The following PXDC1 variants were observed in gnomAD, a reference collection of about 807,000 sequenced individuals.
PXDC1 encodes the protein PX domain containing 1.
PXDC1 carries 13 observed loss-of-function variants against 24.4 expected under a neutral mutation model. That is an observed-to-expected ratio of 0.53 (90% CI 0.35 to 0.85). The LOEUF is 0.85. Ranked by LOEUF, PXDC1 falls within the 40% of genes least tolerant of loss-of-function variation. PXDC1 has a pLI of 0.01. For missense variants in PXDC1, 344 were observed against 309.3 expected, an observed-to-expected ratio of 1.11 and a Z score of -0.84; for synonymous variants, 162 against 124.9, an observed-to-expected ratio of 1.30 and a Z score of -1.98.
Position 3,751,412 on chromosome 6 carries a change from C to T in PXDC1, c.120G>A (p.Glu40=), listed in dbSNP as rs1760715868. 1.3e-6 allele frequency: 2 copies of T among 1,580,494 alleles called. No individual in the cohort carries two copies. Among genetic ancestry groups the T allele is most frequent in the Admixed American group, 1.8e-5 (1 of 55,826 alleles). ...SRRGDEEEFF[E]IRTEWSDRSV... ...TGCGGTCCGACCACTCCGTGCGGAT[C>T]TCGAAGAACTCCTCTTCGTCGCCGC... Residue 40 remains glutamate (E), a synonymous_variant, in exon 1 of 5, where the codon GAG becomes GAA. Transcript: ENST00000380283.
chr6:3,741,798 G>T (rs1271487356), intron 1 of PXDC1, among the ~76,000 whole-genome samples: 1 of 152,208 alleles, frequency 6.6e-6, no homozygotes, highest in Non-Finnish European at 1.5e-5. Context: ...AGAGACTACA[G>T]ACAGCCTGGC....
intron 3 of PXDC1, among the ~76,000 whole-genome samples, chr6:3,733,833 G>A (rs2127599282): frequency 6.6e-6 from 1 of 152,226 alleles, no homozygotes; most frequent in Middle Eastern, 3.4e-3. Context: ...GCCCCCACCT[G>A]ACCCCTTCCC....
rs567076989 is a variant in PXDC1 at position 3,723,551 on chromosome 6, G to A, written c.*68C>T. On this transcript the variant is annotated 3_prime_UTR_variant, in exon 5 of 5. Coordinates refer to ENST00000380283, the MANE Select transcript of PXDC1 (RefSeq NM_183373.4). ...TGGGGCAGCAGCTGTGACCATGGGG[G>A]CCAGCACAGTGGACAGCATCAGAGC... The A allele has an allele frequency of 1.3e-5, 16 of 1,225,356 alleles. 1 individual carries two copies. In the South Asian group the frequency reaches 1.8e-4, roughly 14 times the overall value. The allele number at this position is 1,225,356 out of a possible 1,614,324, so 75.9% of individuals were successfully genotyped here. A position where few individuals can be genotyped will look rare whatever the true frequency, so the allele number is the denominator to read the frequency against.
At position 3,737,116 on chromosome 6, in the gene PXDC1, T is replaced by C. The variant is rs540838399; in HGVS notation, c.429A>G (p.Lys143=). The change falls in exon 3 of 5, where the codon AAA becomes AAG. Residue 143 remains lysine (K), a synonymous_variant. Coordinates refer to ENST00000380283, the MANE Select transcript of PXDC1 (RefSeq NM_183373.4). The surrounding 1 kb of genome is among the most constrained non-coding windows in gnomAD (Gnocchi z 5.5). ...DQVLKNDNVH[K]IQPSFQSPVK... The stretch of plus-strand genomic sequence containing the variant: ...CTGGACTTTGAAAGCTGGGTTGAAT[T>C]TTATGCACATTATCATTTTTTAACA... 5 of 1,613,634 alleles carry C rather than the reference T, an allele frequency of 3.1e-6. No homozygotes were observed. The African/African-American group carries it at 6.7e-5, about 22-fold the overall frequency.
chr6:3,738,735 C>G, intron 1 of PXDC1: 1 of 1,267,328 alleles, frequency 7.9e-7, no homozygotes, highest in Non-Finnish European at 1.0e-6. Flanking sequence ...CTCTGTGCTT[C>G]TCACGGTCAC....
At chr6:3,732,447 C>T (rs1760221113) in intron 3 of PXDC1, among the ~76,000 whole-genome samples, 1 of 152,212 alleles carries the variant, frequency 6.6e-6, no homozygotes, top group South Asian at 2.1e-4. Context: ...CATTTCCAGG[C>T]CTCTTAAACC....
At position 3,723,673 on chromosome 6, in the gene PXDC1, G is replaced by A. The variant is rs1434841256; in HGVS notation, c.642C>T (p.Val214=). Residue 214 remains valine (V), a synonymous_variant, in exon 5 of 5, where the codon GTC becomes GTT. Coordinates refer to ENST00000380283, the MANE Select transcript of PXDC1 (RefSeq NM_183373.4). ...CCAGGTGGTAATATGACAGGTTGGT[G>A]ACGTAGGCTGCTGGGTCGTCCCCGT... The part of the protein sequence containing the change: ...LEDGDDPAAY[V]TNLSYYHLVP... The A allele has an allele frequency of 2.5e-6, 4 of 1,614,104 alleles. No individual in the cohort carries two copies. Among genetic ancestry groups the A allele is most frequent in the African/African-American group, 2.7e-5 (2 of 74,938 alleles).
chr6:3,722,878 C>G lies in PXDC1; in HGVS notation c.*741G>C, dbSNP rs1019251462. ...GTGGTGTGGCCGCAGCACCAGGACC[C>G]GCGCTGAAGGCCCAGAGACCTGGCA... On this transcript the variant is annotated 3_prime_UTR_variant, in exon 5 of 5. Coordinates refer to ENST00000380283, the MANE Select transcript of PXDC1 (RefSeq NM_183373.4). 1 of 150,688 alleles carries G rather than the reference C, an allele frequency of 6.6e-6. No homozygotes were observed. Among genetic ancestry groups the G allele is most frequent in the Non-Finnish European group, 1.5e-5 (1 of 67,506 alleles). 9.3% of individuals were successfully genotyped at this position (150,688 alleles called of 1,614,324 possible).
In PXDC1 at chr6:3,728,367, A is replaced by G. The variant is rs1336457248; in HGVS notation, c.467-705T>C. Among the ~76,000 whole-genome samples the G allele has an allele frequency of 1.3e-5, 2 of 152,148 alleles. No individual in the cohort carries two copies. Among genetic ancestry groups the G allele is most frequent in the African/African-American group, 2.4e-5 (1 of 41,416 alleles). Reference sequence around the variant, plus strand: ...TCCCACTTCTAAGTGAGAATATACAATATTGGTTGCCCATTCCTGAGTTAC... The same window carrying G: ...TCCCACTTCTAAGTGAGAATATACAGTATTGGTTGCCCATTCCTGAGTTAC... On this transcript the variant is annotated intron_variant, in intron 3 of 4. Transcript: ENST00000380283. The surrounding 1 kb of genome is among the most constrained non-coding windows in gnomAD (Gnocchi z 4.0).
At chr6:3,747,861 T>A (rs1281509360) in intron 1 of PXDC1, among the ~76,000 whole-genome samples, 2 of 151,190 alleles carry the variant, frequency 1.3e-5, no homozygotes, top group African/African-American at 2.4e-5. Context: ...TGTGCCACCA[T>A]CACCTACACA....
intron 3 of PXDC1, among the ~76,000 whole-genome samples, chr6:3,729,668 C>T (rs538851360): frequency 5.3e-5 from 8 of 152,322 alleles, no homozygotes; most frequent in East Asian, 3.9e-4. Context: ...AAGATTCCCT[C>T]GCCTCTCTAT....
intron 1 of PXDC1, chr6:3,739,199 G>A (rs953628717): frequency 5.7e-6 from 6 of 1,046,784 alleles, no homozygotes; most frequent in Admixed American, 4.2e-5. Flanking sequence ...TAAACTTCCT[G>A]ACTGAAATTA....
intron 1 of PXDC1, among the ~76,000 whole-genome samples, chr6:3,741,785 G>C (rs562580718): frequency 2.0e-5 from 3 of 152,332 alleles, no homozygotes; most frequent in African/African-American, 7.2e-5. Context: ...AGTGACACTG[G>C]CAAGAGACTA....
In PXDC1 at chr6:3,724,988, C is replaced by T. The variant is rs1469211099; in HGVS notation, c.579-1252G>A. 1.3e-5 allele frequency among the ~76,000 whole-genome samples: 2 copies of T among 152,122 alleles called. No individual in the cohort carries two copies. Among genetic ancestry groups the T allele is most frequent in the Non-Finnish European group, 2.9e-5 (2 of 68,026 alleles). The stretch of plus-strand genomic sequence containing the variant: ...CCCCGCCTCGGCTTCCCTATGCTCA[C>T]GGTCCTGGCAACACGAGGCTGGGAC... On this transcript the variant is annotated intron_variant, in intron 4 of 4. Transcript: ENST00000380283. The surrounding 1 kb of genome is among the most constrained non-coding windows in gnomAD (Gnocchi z 4.5).
At position 3,727,554 on chromosome 6, in the gene PXDC1, T is replaced by C. The variant is rs764844598; in HGVS notation, c.575A>G (p.His192Arg). The change falls in exon 4 of 5, where the codon CAT becomes CGT. Residue 192 changes from histidine to arginine, a missense_variant. Physicochemically the swap from His to Arg is conservative, Grantham distance 29 (BLOSUM62 0). Transcript: ENST00000380283. ...ATATTCAAATCAGCATACTTACAAA[T>C]GCTCTGTTGGGTCCACGCCCAGCTG... ...DQQLGVDPTE[H>R]LFENGSEFPS... 2.2e-5 allele frequency: 35 copies of C among 1,592,220 alleles called. No homozygotes were observed. Among genetic ancestry groups the C allele is most frequent in the South Asian group, 3.3e-5 (3 of 90,522 alleles).
In PXDC1 at chr6:3,751,476, C is replaced by G; in HGVS notation, c.56G>C (p.Cys19Ser). 1 of 1,604,286 alleles carries G rather than the reference C, an allele frequency of 6.2e-7. No homozygotes were observed. The highest frequency in any genetic ancestry group is 8.5e-7 in the Non-Finnish European group (1 of 1,176,794). Residue 19 changes from cysteine (C) to serine (S), a missense_variant, in exon 1 of 5, where the codon TGC (cysteine) becomes TCC (serine). Cys to Ser is a moderately radical substitution (Grantham distance 112). Coordinates refer to ENST00000380283, the MANE Select transcript of PXDC1 (RefSeq NM_183373.4). ...TSLVNMFVRGCWVNGIRRLIV... is the reference protein window; with the variant it reads ...TSLVNMFVRGSWVNGIRRLIV... ...GAGCCTGCGGATGCCGTTCACCCAG[C>G]AGCCGCGCACGAACATGTTCACGAG...
At position 3,743,804 on chromosome 6, in the gene PXDC1, T is replaced by G. The variant is rs114727858; in HGVS notation, c.257-5656A>C. 8.6e-3 allele frequency among the ~76,000 whole-genome samples: 1,305 copies of G among 152,128 alleles called. 24 individuals are homozygous for G. Among genetic ancestry groups the G allele is most frequent in the African/African-American group, 0.03 (1,249 of 41,486 alleles). On this transcript the variant is annotated intron_variant, in intron 1 of 4. Transcript: ENST00000380283. ...TGTGTGGACACCAGGACAGAAGGCC[T>G]CCCCCACACCTCCACGCTGCAATGC...
chr6:3,744,963 G>A (rs941862805), intron 1 of PXDC1, among the ~76,000 whole-genome samples: 3 of 152,236 alleles, frequency 2.0e-5, no homozygotes, highest in African/African-American at 7.2e-5. Flanking sequence ...GCCTCCCAAA[G>A]TGCTGGGCTT....
At chr6:3,733,566 C>T (rs757768810) in intron 3 of PXDC1, among the ~76,000 whole-genome samples, 21 of 152,008 alleles carry the variant, frequency 1.4e-4, no homozygotes, top group Non-Finnish European at 2.8e-4. Flanking sequence ...GAAAGAAAAC[C>T]AGACTCGGTG....
Sources: allele counts gnomAD v4.1 joint callset (sites outside exome capture counted in the v4.1 genomes callset), GRCh38; gene constraint gnomAD v4.1.1; non-coding constraint Gnocchi (gnomAD v3.1); transcripts MANE v1.5; gene names NCBI Gene and HGNC (gene_info 2026-07-23, HGNC 2026-07-21).